The following SH3BP4 variants were observed in gnomAD, a reference collection of about 807,000 sequenced individuals.
The protein encoded by SH3BP4 is SH3 domain binding protein 4.
A neutral mutation model predicts 65.5 loss-of-function variants in SH3BP4; 33 were observed. That is an observed-to-expected ratio of 0.50 (90% CI 0.38 to 0.67). The LOEUF (loss-of-function observed/expected upper bound fraction) is 0.67, where lower values mean the gene tolerates loss of function less well. Ranked by LOEUF, SH3BP4 falls within the 30% of genes least tolerant of loss-of-function variation. The pLI is 0.00. For missense variants in SH3BP4, 1,134 were observed against 1,261.4 expected, an observed-to-expected ratio of 0.90 and a Z score of 1.53; for synonymous variants, 552 against 545.5, an observed-to-expected ratio of 1.01 and a Z score of -0.17.
intron 2 of SH3BP4, among the ~76,000 whole-genome samples, chr2:235,001,184 C>A (rs1263449012): frequency 6.6e-6 from 1 of 152,222 alleles, no homozygotes; most frequent in Non-Finnish European, 1.5e-5. Flanking sequence ...TTATCAGTAA[C>A]AGAACAGATG....
In SH3BP4 at chr2:235,035,435, A is replaced by G. The variant is rs999301986; in HGVS notation, c.118+315A>G. Among the ~76,000 whole-genome samples, 1 of 152,194 alleles carries G rather than the reference A, an allele frequency of 6.6e-6. No homozygotes were observed. The highest frequency in any genetic ancestry group is 1.5e-5 in the Non-Finnish European group (1 of 68,038). On this transcript the variant is annotated intron_variant, in intron 3 of 5. Coordinates refer to ENST00000392011, the MANE Select transcript of SH3BP4 (RefSeq NM_014521.3). The surrounding 1 kb of genome is among the most constrained non-coding windows in gnomAD (Gnocchi z 5.0). ...GGGGAACAGAGAGTGTGGCAAGTAG[A>G]TGAAATATTGAGAACCACTAGAGAA...
chr2:234,955,949 C>G lies in SH3BP4; in HGVS notation c.-207+3779C>G, dbSNP rs1374504460. Among the ~76,000 whole-genome samples, 6 of 152,158 alleles carry G rather than the reference C, an allele frequency of 3.9e-5. 1 individual carries two copies. The highest frequency in any genetic ancestry group is 1.4e-4 in the African/African-American group (6 of 41,432). On this transcript the variant is annotated intron_variant, in intron 1 of 5. Coordinates refer to ENST00000392011, the MANE Select transcript of SH3BP4 (RefSeq NM_014521.3). Reference sequence around the variant, plus strand: ...AACCTGGATCTGTCCAAGTCCAGAGCTCGTCATCACATCTCCCGGGGTGCT... The same window carrying G: ...AACCTGGATCTGTCCAAGTCCAGAGGTCGTCATCACATCTCCCGGGGTGCT...
rs79799213 is a variant in SH3BP4 at position 235,052,072 on chromosome 2, G to A, written c.2479-490G>A. Among the ~76,000 whole-genome samples, 2,248 of 152,216 alleles carry A rather than the reference G, an allele frequency of 0.015. 61 individuals carry two copies. The highest frequency in any genetic ancestry group is 0.051 in the African/African-American group (2,138 of 41,516). ...GGGTGGCCTCCGTCTGGAAGCAGTGGGGGAGAAGGGGTTGCAGGCCTGCCT... is the reference window on the plus strand; with the variant it reads ...GGGTGGCCTCCGTCTGGAAGCAGTGAGGGAGAAGGGGTTGCAGGCCTGCCT... On this transcript the variant is annotated intron_variant, in intron 4 of 5. Coordinates refer to ENST00000392011, the MANE Select transcript of SH3BP4 (RefSeq NM_014521.3). This position sits in a 1 kb window ranked among gnomAD's most constrained non-coding sequence, Gnocchi z 5.0.
In SH3BP4 at chr2:235,041,817, G is replaced by A. The variant is rs146281552; in HGVS notation, c.1048G>A (p.Glu350Lys). Reference sequence around the variant, plus strand: ...GCCCGAGGGCCACGTCGCCCCTGGGGAGACCCAGCAGATCTCCATGAAAGC... The same window carrying A: ...GCCCGAGGGCCACGTCGCCCCTGGGAAGACCCAGCAGATCTCCATGAAAGC... Reference protein sequence around the residue: ...HVPEGHVAPGETQQISMKALL... With the variant: ...HVPEGHVAPGKTQQISMKALL... The change falls in exon 4 of 6, where the codon GAG becomes AAG. Residue 350 changes from glutamate to lysine, a missense_variant. By Grantham distance (56) the Glu-to-Lys change is moderately conservative. Transcript: ENST00000392011. The surrounding 1 kb of genome is among the most constrained non-coding windows in gnomAD (Gnocchi z 6.0). 1,765 of 1,599,294 alleles carry A rather than the reference G, an allele frequency of 1.1e-3. 1 individual carries two copies. Among genetic ancestry groups the A allele is most frequent in the Non-Finnish European group, 1.4e-3 (1,597 of 1,171,612 alleles).
chr2:235,049,689 A>C (rs1669151601), intron 4 of SH3BP4, among the ~76,000 whole-genome samples: 1 of 152,264 alleles, frequency 6.6e-6, no homozygotes, highest in Admixed American at 6.5e-5. Context: ...AAATAGAAAC[A>C]GACCTTCTTC....
At chr2:235,051,602 G>A (rs1696056177) in intron 4 of SH3BP4, among the ~76,000 whole-genome samples, 1 of 152,024 alleles carries the variant, frequency 6.6e-6, no homozygotes, top group Non-Finnish European at 1.5e-5. Flanking sequence ...CCCACCAATT[G>A]TGGAAACCGT....
At chr2:235,020,080 G>A (rs2106308164) in intron 2 of SH3BP4, among the ~76,000 whole-genome samples, 1 of 152,318 alleles carries the variant, frequency 6.6e-6, no homozygotes, top group Non-Finnish European at 1.5e-5. Context: ...GAACGGGAAA[G>A]GCAGTGAAAC....
chr2:234,990,766 A>T lies in SH3BP4; in HGVS notation c.-206-4537A>T, dbSNP rs1693724382. 2.6e-5 allele frequency among the ~76,000 whole-genome samples: 4 copies of T among 152,234 alleles called. No homozygotes were observed. In the South Asian group the frequency reaches 8.3e-4, roughly 31 times the overall value. ...TGCTGGGTGGTTTGCACAGTGGAAA[A>T]GGATTGTCTTACAGGTCAGGAGGCT... is the stretch of plus-strand genomic sequence containing the variant. On this transcript the variant is annotated intron_variant, in intron 1 of 5. Transcript: ENST00000392011.
intron 2 of SH3BP4, among the ~76,000 whole-genome samples, chr2:235,014,817 A>G (rs933160251): frequency 1.3e-5 from 2 of 152,194 alleles, no homozygotes; most frequent in African/African-American, 4.8e-5. Flanking sequence ...ATCATCTGCA[A>G]AGACCTTCTT....
intron 2 of SH3BP4, among the ~76,000 whole-genome samples, chr2:235,032,107 T>C (rs1416104217): frequency 1.3e-5 from 2 of 152,184 alleles, no homozygotes; most frequent in Non-Finnish European, 2.9e-5. Context: ...AGAGCACACA[T>C]TGGTGATTAA....
chr2:234,996,227 C>A (rs1445156796), intron 2 of SH3BP4, among the ~76,000 whole-genome samples: 1 of 152,208 alleles, frequency 6.6e-6, no homozygotes, highest in East Asian at 1.9e-4. Flanking sequence ...GAAGCCGCAG[C>A]TCACAGTGGG....
rs532651728 is a variant in SH3BP4, at chr2:235,019,227, G to C, written c.-132-15644G>C. Among the ~76,000 whole-genome samples the C allele has an allele frequency of 8.5e-5, 13 of 152,234 alleles. No individual in the cohort carries two copies. In the East Asian group the frequency reaches 2.5e-3, roughly 29 times the overall value. ...TGGGTGGGTGGAGGGAGTGGAACCA[G>C]GGAGCCCAGGAGGGCGCTGCAGGGC... On this transcript the variant is annotated intron_variant, in intron 2 of 5. Transcript: ENST00000392011.
In SH3BP4 at chr2:235,041,756, T is replaced by C. The variant is rs751122726; in HGVS notation, c.987T>C (p.Ala329=). Residue 329 remains alanine, a synonymous_variant, in exon 4 of 6, where the codon GCT becomes GCC. Coordinates refer to ENST00000392011, the MANE Select transcript of SH3BP4 (RefSeq NM_014521.3). This position sits in a 1 kb window ranked among gnomAD's most constrained non-coding sequence, Gnocchi z 6.0. ...GCAAGCTGGATAGCTCCGGGGGTGC[T>C]GTCCAGCTTCCTGACACCAGCATCA... ...IVCKLDSSGG[A]VQLPDTSISI... is the part of the protein sequence containing the mutation. 26 of 1,603,564 alleles carry C rather than the reference T, an allele frequency of 1.6e-5. No homozygotes were observed. Among genetic ancestry groups the C allele is most frequent in the Non-Finnish European group, 2.0e-5 (23 of 1,173,276 alleles).
At chr2:234,968,776 T>G (rs1692904275) in intron 1 of SH3BP4, among the ~76,000 whole-genome samples, 1 of 152,206 alleles carries the variant, frequency 6.6e-6, no homozygotes, top group Admixed American at 6.5e-5. Context: ...AATTGGATGT[T>G]TCCGTTGCTT....
rs1323273673 is a variant in SH3BP4 at position 235,052,947 on chromosome 2, C to G, written c.2667+197C>G. Among the ~76,000 whole-genome samples, 2 of 152,336 alleles carry G rather than the reference C, an allele frequency of 1.3e-5. No homozygotes were observed. The highest frequency in any genetic ancestry group is 4.8e-5 in the African/African-American group (2 of 41,570). On this transcript the variant is annotated intron_variant, in intron 5 of 5. Coordinates refer to ENST00000392011, the MANE Select transcript of SH3BP4 (RefSeq NM_014521.3). This position sits in a 1 kb window ranked among gnomAD's most constrained non-coding sequence, Gnocchi z 5.0. Reference sequence around the variant, plus strand: ...ATCCTCCGGATTGGTTGTCGTGAGCCCTGGCTTTAGGATGTCAAGGCTGTT... The same window carrying G: ...ATCCTCCGGATTGGTTGTCGTGAGCGCTGGCTTTAGGATGTCAAGGCTGTT...
chr2:234,979,368 C>T (rs1240163575), intron 1 of SH3BP4: 2 of 152,242 alleles, frequency 1.3e-5, no homozygotes, highest in African/African-American at 4.8e-5. Flanking sequence ...AGTTGTCATT[C>T]TCTGCTGTTT....
rs1695131430 is a variant in SH3BP4 at position 235,030,059 on chromosome 2, G to C, written c.-132-4812G>C. The stretch of plus-strand genomic sequence containing the variant: ...AGATCGGCAATATGTAACCCTGGAG[G>C]TACAGGTGGAGACTGAGTAGTGGGG... On this transcript the variant is annotated intron_variant, in intron 2 of 5. Transcript: ENST00000392011. This position sits in a 1 kb window ranked among gnomAD's most constrained non-coding sequence, Gnocchi z 4.1. Among the ~76,000 whole-genome samples the C allele has an allele frequency of 6.6e-6, 1 of 152,196 alleles. No individual in the cohort carries two copies.
At chr2:235,014,937 C>G (rs904299234) in intron 2 of SH3BP4, among the ~76,000 whole-genome samples, 4 of 152,228 alleles carry the variant, frequency 2.6e-5, no homozygotes, top group Non-Finnish European at 5.9e-5. Context: ...GTATTATCCT[C>G]TCCCTGACCT....
At chr2:235,003,358 G>A (rs1694191257) in intron 2 of SH3BP4, among the ~76,000 whole-genome samples, 1 of 152,246 alleles carries the variant, frequency 6.6e-6, no homozygotes, top group Non-Finnish European at 1.5e-5. Flanking sequence ...CTGAGGCCAG[G>A]GTACCAATGT....
Sources: allele counts gnomAD v4.1 joint callset (sites outside exome capture counted in the v4.1 genomes callset), GRCh38; gene constraint gnomAD v4.1.1; non-coding constraint Gnocchi (gnomAD v3.1); transcripts MANE v1.5; gene names NCBI Gene and HGNC (gene_info 2026-07-23, HGNC 2026-07-21).